COL6A1: variants seen among roughly 807,000 people sequenced by gnomAD.
COL6A1 encodes collagen alpha-1(VI) chain.
In COL6A1, 80 loss-of-function variants were observed where a neutral mutation model predicts 145.6. That is an observed-to-expected ratio of 0.55 (90% confidence interval 0.46 to 0.66). The LOEUF (loss-of-function observed/expected upper bound fraction) is 0.66, where lower values mean the gene tolerates loss of function less well. Ranked by LOEUF, COL6A1 falls within the 30% of genes least tolerant of loss-of-function variation. The pLI is 0.00. For synonymous variants in COL6A1, 638 were observed against 622.8 expected, an observed-to-expected ratio of 1.02 and a Z score of -0.36; for missense variants, 1,364 against 1,473.8, an observed-to-expected ratio of 0.93 and a Z score of 1.22.
Position 46,002,511 on chromosome 21 carries a change from C to CT in COL6A1, c.2251-15dup. 1 of 1,613,868 alleles carries CT rather than the reference C, an allele frequency of 6.2e-7. No individual in the cohort carries two copies. Among genetic ancestry groups the CT allele is most frequent in the Non-Finnish European group, 8.5e-7 (1 of 1,179,810 alleles). ...CAGAGCAGGCTGCGCCACACCGATA[C>CT]TGTCTGTCCCCACAGGTGGTCTCCG... is the stretch of plus-strand genomic sequence containing the variant. On this transcript the variant is annotated splice_polypyrimidine_tract_variant and intron_variant, in intron 32 of 34. Transcript: ENST00000361866.
At chr21:45,984,553 C>G in intron 3 of COL6A1, 84 bp downstream of exon 3, 2 of 1,326,046 alleles carry the variant, frequency 1.5e-6, no homozygotes, top group South Asian at 1.2e-5. Flanking sequence ...GGTCCCTGTG[C>G]GGCTTCAGCT....
At chr21:45,991,897 G>C (rs2077778831) in intron 15 of COL6A1, 113 bp from the exon 16 acceptor site, 2 of 1,020,630 alleles carry the variant, frequency 2.0e-6, no homozygotes, top group Admixed American at 4.0e-5. Context: ...AGACAGTGTT[G>C]GTCAGAGGGA....
intron 33 of COL6A1, 55 bp downstream of exon 33, chr21:46,002,765 G>T: frequency 6.7e-7 from 1 of 1,489,184 alleles, no homozygotes. Flanking sequence ...GCGCGGGGCC[G>T]CCCGGGCAGT....
intron 19 of COL6A1, among the ~76,000 whole-genome samples, chr21:45,993,134 A>G (rs919360660): frequency 5.3e-5 from 8 of 152,232 alleles, no homozygotes; most frequent in Non-Finnish European, 1.0e-4. Flanking sequence ...CAGCGTGAGG[A>G]AGTTGGGTCA....
Position 45,997,523 on chromosome 21 carries a change from G to GT in COL6A1, c.1461+40_1461+41insT, listed in dbSNP as rs761118768. On this transcript the variant is annotated intron_variant, in intron 21 of 34. Coordinates refer to ENST00000361866, the MANE Select transcript of COL6A1 (RefSeq NM_001848.3). ...CCACCCACACCCGCCCACCCAGGGGGGCCTGAGGATCCAGAACCCACTGTC... is the reference window on the plus strand; with the variant it reads ...CCACCCACACCCGCCCACCCAGGGGGTGCCTGAGGATCCAGAACCCACTGTC... 26 of 1,602,154 alleles carry GT rather than the reference G, an allele frequency of 1.6e-5. No homozygotes were observed. The African/African-American group carries it at 2.1e-4, about 13-fold the overall frequency.
rs377474560 is a variant in COL6A1, at chr21:45,989,787, G to T, written c.930+9G>T. On this transcript the variant is annotated intron_variant, in intron 11 of 34. Coordinates refer to ENST00000361866, the MANE Select transcript of COL6A1 (RefSeq NM_001848.3). The stretch of plus-strand genomic sequence containing the variant: ...GGAGCCGTGGGGAGAAGGTGAGTGA[G>T]GCTCGACCTCGGAGCTGGTCTCTCC... 1 of 1,612,726 alleles carries T rather than the reference G, an allele frequency of 6.2e-7. No homozygotes were observed. The highest frequency in any genetic ancestry group is 8.5e-7 in the Non-Finnish European group (1 of 1,179,996).
rs1161503293 is a variant in COL6A1 at position 45,998,452 on chromosome 21, C to T, written c.1611+19C>T. 1 of 1,613,214 alleles carries T rather than the reference C, an allele frequency of 6.2e-7. No individual in the cohort carries two copies. The highest frequency in any genetic ancestry group is 1.1e-5 in the South Asian group (1 of 91,090). ...GATAAACGTGAGTACGCCCCCTCCT[C>T]CATCTGGCTGTGGGCACACAAACAT... On this transcript the variant is annotated intron_variant, in intron 24 of 34. Transcript: ENST00000361866.
Position 45,999,644 on chromosome 21 carries a change from G to C in COL6A1, c.1741-13G>C. 3.1e-6 allele frequency: 5 copies of C among 1,613,298 alleles called. No individual in the cohort carries two copies. The highest frequency in any genetic ancestry group is 4.2e-6 in the Non-Finnish European group (5 of 1,179,886). On this transcript the variant is annotated splice_polypyrimidine_tract_variant and intron_variant, in intron 26 of 34. Transcript: ENST00000361866. The stretch of plus-strand genomic sequence containing the variant: ...CTCACCCTCAGAGCTCCTCTACTCC[G>C]TTTCTCGGACAGGGACCCCCAGGAC...
chr21:45,998,775 G>T, intron 24 of COL6A1, 122 bp from the exon 25 acceptor site: 1 of 1,225,236 alleles, frequency 8.2e-7, no homozygotes, highest in Non-Finnish European at 1.2e-6. Flanking sequence ...CAGGAAATGT[G>T]TGTGGTGGGG....
Position 45,997,459 on chromosome 21 carries a change from C to T in COL6A1, c.1437C>T (p.Gly479=), listed in dbSNP as rs762625409. ...CTATCGGACCTAAAGGCTACCGAGGCGATGAGGGTCCCCCAGGGTCCGAGG... is the reference window on the plus strand; with the variant it reads ...CTATCGGACCTAAAGGCTACCGAGGTGATGAGGGTCCCCCAGGGTCCGAGG... The part of the protein sequence containing the change: ...AGPIGPKGYR[G]DEGPPGSEGA... Residue 479 remains glycine (G), a synonymous_variant, in exon 21 of 35, where the codon GGC becomes GGT. Transcript: ENST00000361866. 52 of 1,612,622 alleles carry T rather than the reference C, an allele frequency of 3.2e-5. No individual in the cohort carries two copies. The highest frequency in any genetic ancestry group is 1.7e-4 in the Middle Eastern group (1 of 6,052).
chr21:45,989,600 T>C lies in COL6A1; in HGVS notation c.859-8T>C, dbSNP rs765006794. ...GGGGGTGTCTCACCATCTCCTCCTGTGTTCCAGGGAAGACCCGGGGACCTC... is the reference window on the plus strand; with the variant it reads ...GGGGGTGTCTCACCATCTCCTCCTGCGTTCCAGGGAAGACCCGGGGACCTC... On this transcript the variant is annotated splice_region_variant and splice_polypyrimidine_tract_variant and intron_variant, in intron 9 of 34. Transcript: ENST00000361866. 1 of 1,612,800 alleles carries C rather than the reference T, an allele frequency of 6.2e-7. No individual in the cohort carries two copies. The highest frequency in any genetic ancestry group is 2.2e-5 in the East Asian group (1 of 44,874).
At chr21:45,997,925 G>A (rs549628834) in intron 22 of COL6A1, among the ~76,000 whole-genome samples, 163 bp downstream of exon 22, 1 of 152,164 alleles carries the variant, frequency 6.6e-6, no homozygotes, top group East Asian at 1.9e-4. Context: ...GCCAGAGGCC[G>A]CCTCGGCAGG....
rs748397590 is a variant in COL6A1, at chr21:46,000,718, C to T, written c.1814-41C>T. The T allele has an allele frequency of 1.2e-5, 20 of 1,613,644 alleles. No homozygotes were observed. The East Asian group carries it at 1.3e-4, about 11-fold the overall frequency. On this transcript the variant is annotated intron_variant, in intron 28 of 34. Transcript: ENST00000361866. Reference sequence around the variant, plus strand: ...AAGCCTTTCTGACGTGCGCAGGACGCGGCCCTGACTGGTCTAACTGACTCT... The same window carrying T: ...AAGCCTTTCTGACGTGCGCAGGACGTGGCCCTGACTGGTCTAACTGACTCT...
chr21:46,002,430 G>A (rs1219998554), intron 32 of COL6A1, 29 bp downstream of exon 32: 7 of 1,611,424 alleles, frequency 4.3e-6, no homozygotes, highest in Non-Finnish European at 5.9e-6. Flanking sequence ...GGCTGCACCT[G>A]CCCCGCCTAG....
Position 46,003,368 on chromosome 21 carries a change from C to T in COL6A1, c.2465-23C>T, listed in dbSNP as rs761090451. The T allele has an allele frequency of 8.5e-5, 136 of 1,599,872 alleles. 3 individuals are homozygous for T. The South Asian group carries it at 1.2e-3, about 14-fold the overall frequency. On this transcript the variant is annotated intron_variant, in intron 34 of 34. Transcript: ENST00000361866. ...CTGCATCACCAGGGCCTCATGCTAA[C>T]GGCTGCCCACCCCGCCCCGCAGTCA...
At position 45,992,758 on chromosome 21, in the gene COL6A1, G is replaced by GA; in HGVS notation, c.1284dup (p.Glu429ArgfsTer19). The GA allele has an allele frequency of 6.3e-7, 1 of 1,597,132 alleles. No individual in the cohort carries two copies. The highest frequency in any genetic ancestry group is 8.5e-7 in the Non-Finnish European group (1 of 1,172,438). On this transcript the variant is annotated frameshift_variant, in exon 19 of 35. Coordinates refer to ENST00000361866, the MANE Select transcript of COL6A1 (RefSeq NM_001848.3). LOFTEE classifies it high-confidence loss of function. The stretch of plus-strand genomic sequence containing the variant: ...TGTCTCTCCACTCAGGGTGGCCCTG[G>GA]AGAGAGAGGACCACGGGGGACCCCA...
intron 20 of COL6A1, among the ~76,000 whole-genome samples, chr21:45,996,625 GGGGCCAGGT>G (rs369883259): frequency 0.021 from 3,223 of 152,340 alleles, 86 homozygotes; most frequent in African/African-American, 0.061. Flanking sequence ...GCTCATGGCT[GGGGCCAGGT>G]GGGCCAGGTG....
rs146710769 is a variant in COL6A1, at chr21:45,998,558, C to T, written c.1611+125C>T. The stretch of plus-strand genomic sequence containing the variant: ...CAAACACACGGGGTACACAGGCACC[C>T]ACGGCTGCCCCACTGTCTGTGGCCA... On this transcript the variant is annotated intron_variant, in intron 24 of 34. Transcript: ENST00000361866. The T allele has an allele frequency of 2.0e-4, 266 of 1,301,154 alleles. No individual in the cohort carries two copies. The African/African-American group carries it at 3.7e-3, about 18-fold the overall frequency. The allele number at this position is 1,301,154 out of a possible 1,614,324, so 80.6% of individuals were successfully genotyped here.
intron 20 of COL6A1, among the ~76,000 whole-genome samples, chr21:45,995,301 T>C (rs926168015): frequency 6.6e-6 from 1 of 152,198 alleles, no homozygotes; most frequent in African/African-American, 2.4e-5. Context: ...TCCTCTTTGC[T>C]CTTTGAGCTC....
Sources: gnomAD v4.1 joint callset for allele counts (sites outside exome capture counted in the v4.1 genomes callset) on GRCh38, gnomAD v4.1.1 for gene constraint, MANE v1.5 for transcripts, NCBI Gene and HGNC (gene_info 2026-07-23, HGNC 2026-07-21) for gene names.